ZSCAN5A: variants seen among roughly 807,000 people sequenced by gnomAD.
ZSCAN5A encodes zinc finger and SCAN domain-containing protein 5A.
A neutral mutation model predicts 23.7 loss-of-function variants in ZSCAN5A; 12 were observed. The observed-to-expected ratio is 0.51, with a 90% confidence interval of 0.32 to 0.82. The LOEUF is 0.82. ZSCAN5A is among the 40% of genes least tolerant of loss of function. The pLI is 0.03. For synonymous variants in ZSCAN5A, 257 were observed against 239.9 expected, an observed-to-expected ratio of 1.07 and a Z score of -0.66; for missense variants, 597 against 617.9, an observed-to-expected ratio of 0.97 and a Z score of 0.36.
chr19:56,336,526 C>T (rs1426232159), intron 2 of ZSCAN5A, among the ~76,000 whole-genome samples: 29 of 151,274 alleles, frequency 1.9e-4, no homozygotes, highest in Admixed American at 1.4e-3. Context: ...GCCATTGGTT[C>T]GAACTTCCTC....
At chr19:56,238,171 C>T (rs2035144339) in intron 2 of ZSCAN5A, among the ~76,000 whole-genome samples, 1 of 151,936 alleles carries the variant, frequency 6.6e-6, no homozygotes, top group Non-Finnish European at 1.5e-5. Flanking sequence ...CATACACACA[C>T]ACACGTCAAA....
intron 2 of ZSCAN5A, among the ~76,000 whole-genome samples, chr19:56,268,604 T>G (rs1332647088): frequency 6.6e-6 from 1 of 152,244 alleles, no homozygotes; most frequent in African/African-American, 2.4e-5. Flanking sequence ...TTTAACACAT[T>G]TTTCTACATT....
chr19:56,228,329 T>C (rs891715030), intron 2 of ZSCAN5A: 13 of 985,204 alleles, frequency 1.3e-5, no homozygotes, highest in Middle Eastern at 5.2e-4. Flanking sequence ...ACTGCGTCTA[T>C]TTATGGAGAA....
At chr19:56,312,111 T>G (rs970892230) in intron 2 of ZSCAN5A, 1 of 152,244 alleles carries the variant, frequency 6.6e-6, no homozygotes, top group Non-Finnish European at 1.5e-5. Context: ...AAATTATTAA[T>G]GAGATCAGTT....
intron 4 of ZSCAN5A, among the ~76,000 whole-genome samples, chr19:56,223,400 A>C (rs926991943): frequency 1.3e-5 from 2 of 152,196 alleles, no homozygotes; most frequent in Non-Finnish European, 2.9e-5. Context: ...CACTGAGATC[A>C]TTTCTTATGC....
chr19:56,347,539 GCT>G (rs1555813699), intron 2 of ZSCAN5A: 1 of 152,168 alleles, frequency 6.6e-6, no homozygotes, highest in Non-Finnish European at 1.5e-5. Flanking sequence ...TGTCTGTCTG[GCT>G]CTCTCAGCTA....
chr19:56,270,250 TC>T (rs2037754470), intron 2 of ZSCAN5A, among the ~76,000 whole-genome samples: 1 of 151,806 alleles, frequency 6.6e-6, no homozygotes, highest in South Asian at 2.1e-4. Flanking sequence ...AAACCCTGTC[TC>T]TACTAAAAAT....
intron 2 of ZSCAN5A, among the ~76,000 whole-genome samples, chr19:56,330,362 C>T (rs758746371): frequency 1.2e-4 from 18 of 152,150 alleles, no homozygotes; most frequent in Non-Finnish European, 2.2e-4. Context: ...TAATGAATTG[C>T]TGGGTCAAAG....
chr19:56,264,076 C>T (rs2037305519), intron 2 of ZSCAN5A, among the ~76,000 whole-genome samples: 1 of 151,884 alleles, frequency 6.6e-6, no homozygotes, highest in Non-Finnish European at 1.5e-5. Flanking sequence ...TCACTGCAAC[C>T]TCCGCCTCCC....
At chr19:56,293,636 G>C (rs1159836214) in intron 2 of ZSCAN5A, among the ~76,000 whole-genome samples, 1 of 152,220 alleles carries the variant, frequency 6.6e-6, no homozygotes, top group Non-Finnish European at 1.5e-5. Flanking sequence ...AATAGTTCCA[G>C]CCTCATATGG....
intron 2 of ZSCAN5A, among the ~76,000 whole-genome samples, chr19:56,269,125 G>T (rs188739147): frequency 5.8e-4 from 88 of 152,220 alleles, no homozygotes; most frequent in African/African-American, 2.0e-3. Context: ...TGTTTTCCGT[G>T]CTTTCGGGTA....
At chr19:56,313,475 C>CA (rs1237938917) in intron 1 of ZSCAN5A, 91 bp from the exon 2 acceptor site, 1 of 155,984 alleles carries the variant, frequency 6.4e-6, no homozygotes, top group African/African-American at 2.4e-5. Flanking sequence ...AATTACCTCC[C>CA]ACGGGGTCCC....
upstream of ZSCAN5A, chr19:56,315,042 G>A (rs995691547): frequency 3.4e-5 from 4 of 115,976 alleles, no homozygotes; most frequent in African/African-American, 3.1e-5. Flanking sequence ...ACTAGTGCAG[G>A]CATTTTATTC....
intron 2 of ZSCAN5A, chr19:56,340,966 AT>A (rs2041588093): frequency 6.6e-6 from 1 of 152,216 alleles, no homozygotes; most frequent in African/African-American, 2.4e-5. Context: ...CATTGACAGA[AT>A]GGGATTGTCT....
At chr19:56,235,386 C>T (rs2034821003) in intron 2 of ZSCAN5A, among the ~76,000 whole-genome samples, 1 of 19,996 alleles carries the variant, frequency 5.0e-5, no homozygotes. Flanking sequence ...GACCGTGGGC[C>T]AAGTCTCCAC....
chr19:56,264,876 C>A (rs867038395), intron 2 of ZSCAN5A, among the ~76,000 whole-genome samples: 1 of 152,266 alleles, frequency 6.6e-6, no homozygotes, highest in Middle Eastern at 3.4e-3. Flanking sequence ...AATCCCAGCA[C>A]TTTGGGAGGC....
At chr19:56,307,584 C>T (rs978891669) in intron 2 of ZSCAN5A, among the ~76,000 whole-genome samples, 11 of 152,096 alleles carry the variant, frequency 7.2e-5, no homozygotes, top group Non-Finnish European at 4.4e-5. Flanking sequence ...TCTTTTACCC[C>T]GTATCTTGCA....
chr19:56,301,042 G>A (rs8102038), intron 2 of ZSCAN5A, among the ~76,000 whole-genome samples: 17,121 of 152,084 alleles, frequency 0.11, 3,189 homozygotes, highest in African/African-American at 0.39. Context: ...GCCTGGGGAT[G>A]GGGGAGAGGT....
intron 1 of ZSCAN5A, among the ~76,000 whole-genome samples, chr19:56,366,960 T>C (rs1273557265): frequency 6.6e-6 from 1 of 152,114 alleles, no homozygotes; most frequent in East Asian, 1.9e-4. Context: ...ATACACAGAT[T>C]GAAGATTTTA....
Sources: gnomAD v4.1 joint callset for allele counts (sites outside exome capture counted in the v4.1 genomes callset) on GRCh38, gnomAD v4.1.1 for gene constraint, MANE v1.5 for transcripts, NCBI Gene and HGNC (gene_info 2026-07-23, HGNC 2026-07-21) for gene names.